GSE1: variants seen among roughly 807,000 people sequenced by gnomAD.
GSE1 encodes genetic suppressor element 1.
A neutral mutation model predicts 112.6 loss-of-function variants in GSE1; 32 were observed. That is an observed-to-expected ratio of 0.28 (90% confidence interval 0.21 to 0.38). GSE1 has a LOEUF of 0.38. Among genes scored for constraint, GSE1 ranks in the 10% least tolerant of loss-of-function variants. The probability of loss-of-function intolerance (pLI) is 1.00; values close to 1 mark genes in which losing one functional copy is unlikely to be tolerated. For missense variants in GSE1, 2,348 were observed against 1,699.2 expected, an observed-to-expected ratio of 1.38 and a Z score of -6.71; for synonymous variants, 1,115 against 735.6, an observed-to-expected ratio of 1.52 and a Z score of -8.35.
At chr16:85,358,798 G>C (rs2047006358) in intron 2 of GSE1, among the ~76,000 whole-genome samples, 1 of 152,196 alleles carries the variant, frequency 6.6e-6, no homozygotes, top group African/African-American at 2.4e-5. Context: ...GGCCAGGCAG[G>C]GACTACTGTC....
chr16:85,500,998 GTT>G (rs55650214), intron 2 of GSE1, among the ~76,000 whole-genome samples: 14 of 64,826 alleles, frequency 2.2e-4, no homozygotes, highest in African/African-American at 9.2e-4. Flanking sequence ...GGCCTGTTCT[GTT>G]TTTTTTTTTT....
intron 1 of GSE1, among the ~76,000 whole-genome samples, chr16:85,190,127 T>C (rs1252172075): frequency 6.6e-6 from 1 of 152,220 alleles, no homozygotes; most frequent in East Asian, 1.9e-4. Flanking sequence ...CCTGATCTTC[T>C]CTCTATGCAT....
chr16:85,286,829 T>C (rs544356583), intron 1 of GSE1, among the ~76,000 whole-genome samples: 1 of 152,308 alleles, frequency 6.6e-6, no homozygotes, highest in East Asian at 1.9e-4. Context: ...TTCTTCCCTG[T>C]GTAGGGATTA....
At chr16:85,337,777 A>C (rs773360313) in intron 1 of GSE1, among the ~76,000 whole-genome samples, 48 of 152,202 alleles carry the variant, frequency 3.2e-4, no homozygotes, top group Non-Finnish European at 6.2e-4. Flanking sequence ...AGGTCTCAGC[A>C]ATGCTGCCAC....
chr16:85,400,766 T>C (rs1177726397), intron 2 of GSE1, among the ~76,000 whole-genome samples: 4 of 151,100 alleles, frequency 2.6e-5, no homozygotes, highest in Non-Finnish European at 5.9e-5. Context: ...TGTGTCTCTG[T>C]GATGTGTGTG....
At chr16:85,640,191 C>T (rs1438416992) in intron 2 of GSE1, among the ~76,000 whole-genome samples, 1 of 152,098 alleles carries the variant, frequency 6.6e-6, no homozygotes, top group South Asian at 2.1e-4. Context: ...CCGTTCCCAC[C>T]CCGCCTCCTT....
chr16:85,615,058 G>C (rs867092249), intron 1 of GSE1, among the ~76,000 whole-genome samples: 3 of 152,354 alleles, frequency 2.0e-5, no homozygotes, highest in South Asian at 2.1e-4. Flanking sequence ...GGGGTGGAAG[G>C]GGGAACCCAG....
chr16:85,216,203 A>G (rs2075304439), intron 1 of GSE1, among the ~76,000 whole-genome samples: 2 of 152,242 alleles, frequency 1.3e-5, no homozygotes, highest in South Asian at 4.1e-4. Flanking sequence ...CAGGAGTTCA[A>G]TACCATATTG....
chr16:85,215,846 G>A (rs371683124), intron 1 of GSE1, among the ~76,000 whole-genome samples: 15 of 152,114 alleles, frequency 9.9e-5, no homozygotes, highest in East Asian at 1.9e-4. Flanking sequence ...CGTCCCCACC[G>A]TAACCCCACC....
intron 2 of GSE1, among the ~76,000 whole-genome samples, chr16:85,418,050 G>T (rs2151731032): frequency 6.6e-6 from 1 of 152,302 alleles, no homozygotes; most frequent in East Asian, 1.9e-4. Context: ...TCTTGACCAG[G>T]CTGGTCTTGA....
At chr16:85,345,277 T>C (rs907264651) in intron 1 of GSE1, among the ~76,000 whole-genome samples, 1 of 152,252 alleles carries the variant, frequency 6.6e-6, no homozygotes. Flanking sequence ...CAAATTTTAG[T>C]GTCCGTAAAT....
At position 85,644,433 on chromosome 16, in the gene GSE1, G is replaced by A. The variant is rs75573225; in HGVS notation, c.227-4119G>A. Among the ~76,000 whole-genome samples the A allele has an allele frequency of 4.2e-3, 643 of 152,288 alleles. 7 individuals are homozygous for A. Among genetic ancestry groups the A allele is most frequent in the African/African-American group, 0.015 (605 of 41,578 alleles). On this transcript the variant is annotated intron_variant, in intron 2 of 15. Transcript: ENST00000253458. ...CCTGTATGCCACCAGCTGAGGGACG[G>A]ACCAGTAAGGAGTGGGTGGACAGAG...
At chr16:85,513,644 T>G (rs1016004366) in intron 2 of GSE1, among the ~76,000 whole-genome samples, 1 of 151,804 alleles carries the variant, frequency 6.6e-6, no homozygotes. Flanking sequence ...GGCCTCACCC[T>G]CCTCCTCCAG....
chr16:85,590,729 G>A lies in GSE1; in HGVS notation c.37+34366G>A, dbSNP rs371613916. On this transcript the variant is annotated intron_variant, in intron 1 of 2. Coordinates refer to the GSE1 transcript ENST00000635906. The stretch of plus-strand genomic sequence containing the variant: ...GAGGGATGGAGTGTGTGTGGAGCAT[G>A]TGTGGCGGGCCCTTTGTGGGAGAAG... 1.2e-4 allele frequency among the ~76,000 whole-genome samples: 19 copies of A among 152,208 alleles called. No individual in the cohort carries two copies. In the East Asian group the frequency reaches 3.3e-3, roughly 26 times the overall value.
chr16:85,398,147 C>T (rs1431573633), intron 2 of GSE1, among the ~76,000 whole-genome samples: 1 of 152,194 alleles, frequency 6.6e-6, no homozygotes, highest in African/African-American at 2.4e-5. Context: ...CTCTCAGTAC[C>T]TCAGTTTCCT....
intron 1 of GSE1, among the ~76,000 whole-genome samples, chr16:85,601,329 T>A (rs572326475): frequency 6.6e-6 from 1 of 151,932 alleles, no homozygotes; most frequent in Admixed American, 6.5e-5. Flanking sequence ...GGGGCAGCCA[T>A]GGGTGTCTGC....
intron 1 of GSE1, among the ~76,000 whole-genome samples, chr16:85,328,801 GCCCCGGGGC>G (rs2046279046): frequency 1.3e-4 from 1 of 7,982 alleles, no homozygotes. Context: ...GGGCGTCCCC[GCCCCGGGGC>G]CTCCCCGCCC....
At chr16:85,601,751 GC>G (rs1313342817) in intron 1 of GSE1, among the ~76,000 whole-genome samples, 2 of 152,220 alleles carry the variant, frequency 1.3e-5, no homozygotes, top group Non-Finnish European at 2.9e-5. Context: ...GTTCCTTGCA[GC>G]CGACGTGAGC....
At position 85,311,844 on chromosome 16, in the gene GSE1, C is replaced by T. The variant is rs1180812431; in HGVS notation, c.2284-45619C>T. On this transcript the variant is annotated intron_variant, in intron 1 of 2. Coordinates refer to the GSE1 transcript ENST00000637419. This position sits in a 1 kb window ranked among gnomAD's most constrained non-coding sequence, Gnocchi z 4.2. The stretch of plus-strand genomic sequence containing the variant: ...ACTGTCTGACCTGTGGCCCCAGCCG[C>T]GAGTCCTTCTCACCCCAGACCCCAG... Among the ~76,000 whole-genome samples the T allele has an allele frequency of 6.6e-5, 10 of 152,178 alleles. No homozygotes were observed. The highest frequency in any genetic ancestry group is 1.4e-4 in the African/African-American group (6 of 41,446).
Sources: gnomAD v4.1 joint callset for allele counts (sites outside exome capture counted in the v4.1 genomes callset) on GRCh38, gnomAD v4.1.1 for gene constraint, Gnocchi (gnomAD v3.1) non-coding constraint, MANE v1.5 for transcripts, NCBI Gene and HGNC (gene_info 2026-07-23, HGNC 2026-07-21) for gene names.